Variants in PTGER3 observed in about 807,000 individuals in gnomAD.
PTGER3 encodes prostaglandin E receptor 3, also known as prostaglandin E2 receptor EP3 subtype.
A neutral mutation model predicts 34.7 loss-of-function variants in PTGER3; 22 were observed. That is an observed-to-expected ratio of 0.63 (90% CI 0.45 to 0.91). The LOEUF (loss-of-function observed/expected upper bound fraction) is 0.91, where lower values mean the gene tolerates loss of function less well. PTGER3 is among the 40% of genes least tolerant of loss of function. The pLI is 0.00. For missense variants in PTGER3, 468 were observed against 519.4 expected, an observed-to-expected ratio of 0.90 and a Z score of 0.96; for synonymous variants, 241 against 230.1, an observed-to-expected ratio of 1.05 and a Z score of -0.43.
chr1:70,993,889 G>GTTCAACT (rs1369551193), intron 2 of PTGER3, among the ~76,000 whole-genome samples: 4 of 152,170 alleles, frequency 2.6e-5, no homozygotes, highest in African/African-American at 9.7e-5. Context: ...TCAAAACCCT[G>GTTCAACT]TTCAACTTCC....
intron 4 of PTGER3, among the ~76,000 whole-genome samples, chr1:70,917,403 T>TGTGTGTGTGTGTGTGTGTG (rs1647199801): frequency 7.3e-6 from 1 of 136,278 alleles, no homozygotes; most frequent in South Asian, 2.5e-4. Flanking sequence ...GTATTTTATT[T>TGTGTGTGTGTGTGTGTGTG]TGTGTGTGTG....
intron 4 of PTGER3, among the ~76,000 whole-genome samples, chr1:70,860,631 ATTAG>A (rs527242096): frequency 1.8e-4 from 28 of 152,276 alleles, no homozygotes; most frequent in African/African-American, 6.5e-4. Context: ...TCTTTTTTAT[ATTAG>A]TTAGCCTATG....
intron 2 of PTGER3, among the ~76,000 whole-genome samples, chr1:70,994,593 G>A (rs1655764916): frequency 6.6e-6 from 1 of 152,128 alleles, no homozygotes; most frequent in African/African-American, 2.4e-5. Context: ...GAGTAGCTGG[G>A]AGTACAAGTG....
chr1:70,857,451 C>T (rs1387470675), intron 4 of PTGER3, among the ~76,000 whole-genome samples: 2 of 151,838 alleles, frequency 1.3e-5, no homozygotes, highest in Non-Finnish European at 2.9e-5. Flanking sequence ...TTTCTTGGTG[C>T]TTTCAAGATT....
At chr1:71,006,078 C>T in intron 2 of PTGER3, 1 of 800,216 alleles carries the variant, frequency 1.2e-6, no homozygotes, top group Middle Eastern at 6.1e-4. Context: ...TGTAGTCATC[C>T]TACAGGAGTA....
At chr1:71,022,856 G>A (rs769357987) in intron 1 of PTGER3, among the ~76,000 whole-genome samples, 1 of 151,738 alleles carries the variant, frequency 6.6e-6, no homozygotes, top group Non-Finnish European at 1.5e-5. Context: ...TTGACTGGAA[G>A]AGGTGTCCTG....
intron 4 of PTGER3, among the ~76,000 whole-genome samples, chr1:70,893,498 G>A (rs542524701): frequency 5.3e-5 from 8 of 152,274 alleles, no homozygotes; most frequent in African/African-American, 1.9e-4. Context: ...GAGCTGAGGA[G>A]GCTACATCAC....
chr1:70,970,106 A>C (rs1226516207), downstream of PTGER3, among the ~76,000 whole-genome samples: 1 of 152,116 alleles, frequency 6.6e-6, no homozygotes, highest in South Asian at 2.1e-4. Flanking sequence ...CTTTCATCCC[A>C]TTGTGCTGTA....
intron 2 of PTGER3, among the ~76,000 whole-genome samples, chr1:71,003,625 CAT>C (rs1312924838): frequency 3.3e-5 from 5 of 152,172 alleles, no homozygotes; most frequent in Non-Finnish European, 5.9e-5. Flanking sequence ...CTTATCATCA[CAT>C]GATTGCAACT....
intron 4 of PTGER3, among the ~76,000 whole-genome samples, chr1:70,924,824 TCA>T (rs1647894709): frequency 6.6e-6 from 1 of 152,158 alleles, no homozygotes; most frequent in Non-Finnish European, 1.5e-5. Flanking sequence ...ATCCATGAAC[TCA>T]CCCTGAATTA....
intron 4 of PTGER3, among the ~76,000 whole-genome samples, chr1:70,946,107 C>A (rs898307336): frequency 4.6e-5 from 7 of 152,056 alleles, no homozygotes; most frequent in African/African-American, 1.7e-4. Flanking sequence ...TCTGCTTTCC[C>A]TAGTCCCCTC....
chr1:70,952,925 T>C (rs756316854), exon 4 of PTGER3: 1 of 1,610,264 alleles, frequency 6.2e-7, no homozygotes, highest in Admixed American at 1.7e-5. Context: ...TCTTTACTGT[T>C]GAGATTCTGG....
Position 70,902,634 on chromosome 1 carries a change from CAG to C in PTGER3, c.*24-49777_*24-49776del, listed in dbSNP as rs576886447. Among the ~76,000 whole-genome samples, 757 of 152,266 alleles carry C rather than the reference CAG, an allele frequency of 5.0e-3. 10 individuals are homozygous for C. Among genetic ancestry groups the C allele is most frequent in the African/African-American group, 0.018 (732 of 41,544 alleles). On this transcript the variant is annotated intron_variant, in intron 4 of 4. Transcript: ENST00000370931. ...ATACTTCACAGAAGAGGGTGGAAAACAGTGTTGAGTTCCAGAAAGAGAGGAAA... is the reference window on the plus strand; with the variant it reads ...ATACTTCACAGAAGAGGGTGGAAAACTGTTGAGTTCCAGAAAGAGAGGAAA...
chr1:71,010,170 G>T, intron 2 of PTGER3: 12 of 984,988 alleles, frequency 1.2e-5, no homozygotes, highest in Non-Finnish European at 1.4e-5. Context: ...GATGAAAAGT[G>T]ATATTCTTGT....
chr1:70,899,728 C>T (rs1462099275), intron 4 of PTGER3, among the ~76,000 whole-genome samples: 1 of 151,878 alleles, frequency 6.6e-6, no homozygotes, highest in South Asian at 2.1e-4. Flanking sequence ...AGAGTAGAAA[C>T]AGAAATCAGT....
intron 4 of PTGER3, among the ~76,000 whole-genome samples, chr1:70,944,753 A>G (rs1447492739): frequency 6.6e-6 from 1 of 152,130 alleles, no homozygotes; most frequent in African/African-American, 2.4e-5. Flanking sequence ...CTATTGTGCC[A>G]TTTGTGGATA....
At chr1:70,920,512 A>G (rs191905928) in intron 4 of PTGER3, among the ~76,000 whole-genome samples, 1 of 152,348 alleles carries the variant, frequency 6.6e-6, no homozygotes, top group East Asian at 1.9e-4. Context: ...GAATAAAGTT[A>G]TTAATGATTA....
intron 4 of PTGER3, among the ~76,000 whole-genome samples, chr1:70,876,709 G>C (rs1646280215): frequency 6.6e-6 from 1 of 152,056 alleles, no homozygotes. Flanking sequence ...TATTGAATAG[G>C]GAGTCCTTTC....
chr1:70,971,766 C>T, intron 3 of PTGER3, 33 bp from the exon 4 acceptor site: 1 of 1,416,916 alleles, frequency 7.1e-7, no homozygotes, highest in Non-Finnish European at 9.7e-7. Context: ...ATGCAATAAG[C>T]ATGGATGGGG....
Sources: allele counts gnomAD v4.1 joint callset (sites outside exome capture counted in the v4.1 genomes callset), GRCh38; gene constraint gnomAD v4.1.1; transcripts MANE v1.5; gene names NCBI Gene and HGNC (gene_info 2026-07-23, HGNC 2026-07-21).